The following SEMA3A variants were observed in gnomAD, a reference collection of about 807,000 sequenced individuals.
SEMA3A encodes semaphorin 3A.
Under a neutral mutation model 97.9 loss-of-function variants are expected in SEMA3A, and 29 were observed. The observed-to-expected ratio is 0.30, with a 90% CI of 0.22 to 0.40. The LOEUF (loss-of-function observed/expected upper bound fraction) is 0.40, where lower values mean the gene tolerates loss of function less well. Among genes scored for constraint, SEMA3A ranks in the 10% least tolerant of loss-of-function variants. SEMA3A has a pLI of 1.00. For synonymous variants in SEMA3A, 321 were observed against 323.7 expected (o/e 0.99, Z 0.09); for missense variants, 763 against 951.3 (o/e 0.80, Z 2.60).
At chr7:84,268,525 G>C (rs1482365317) in intron 3 of SEMA3A, among the ~76,000 whole-genome samples, 1 of 151,972 alleles carries the variant, frequency 6.6e-6, no homozygotes. Context: ...CCCTGTTCCT[G>C]TCCTTCCTAG....
chr7:84,207,702 A>T (rs557946843), intron 3 of SEMA3A, among the ~76,000 whole-genome samples: 5 of 152,330 alleles, frequency 3.3e-5, no homozygotes, highest in South Asian at 2.1e-4. Flanking sequence ...AAACTCAGGC[A>T]TGATAAAATT....
intron 15 of SEMA3A, among the ~76,000 whole-genome samples, chr7:83,969,003 G>A (rs1788823318): frequency 6.6e-6 from 1 of 151,472 alleles, no homozygotes; most frequent in Non-Finnish European, 1.5e-5. Flanking sequence ...TAGAGATAGG[G>A]TTTTACCATG....
intron 3 of SEMA3A, among the ~76,000 whole-genome samples, chr7:84,201,477 A>G (rs748683497): frequency 2.0e-5 from 3 of 150,912 alleles, no homozygotes; most frequent in Admixed American, 1.3e-4. Flanking sequence ...AGTGTAAAAC[A>G]TCATTTGATC....
chr7:84,345,622 G>T (rs146094188), intron 2 of SEMA3A, among the ~76,000 whole-genome samples: 150 of 152,240 alleles, frequency 9.9e-4, no homozygotes, highest in Middle Eastern at 3.4e-3. Context: ...TTATACTCAA[G>T]AAACCACTTT....
At chr7:84,238,839 C>T (rs1311848712) in intron 3 of SEMA3A, among the ~76,000 whole-genome samples, 5 of 152,026 alleles carry the variant, frequency 3.3e-5, no homozygotes, top group Non-Finnish European at 7.4e-5. Context: ...CTCAGCCTCC[C>T]GAGTAGCTGG....
chr7:84,214,697 C>CT (rs754365106), intron 3 of SEMA3A, among the ~76,000 whole-genome samples: 12,964 of 130,924 alleles, frequency 0.099, 926 homozygotes, highest in East Asian at 0.3. Flanking sequence ...TTAGAGCTTA[C>CT]TTTTTTTTTT....
At chr7:84,007,568 G>GT (rs1271316579) in intron 9 of SEMA3A, 71 bp from the exon 10 acceptor site, 31 of 1,127,674 alleles carry the variant, frequency 2.7e-5, no homozygotes, top group Non-Finnish European at 3.4e-5. Context: ...TTGATACTGA[G>GT]TTCTTACATT....
intron 3 of SEMA3A, among the ~76,000 whole-genome samples, chr7:84,218,874 T>C (rs1312599529): frequency 6.6e-6 from 1 of 152,162 alleles, no homozygotes. Flanking sequence ...TTCAGTTATG[T>C]TGAAATCATG....
intron 12 of SEMA3A, among the ~76,000 whole-genome samples, chr7:83,987,242 G>C (rs1197242456): frequency 6.6e-6 from 1 of 151,830 alleles, no homozygotes; most frequent in African/African-American, 2.4e-5. Flanking sequence ...AAAAAATTGA[G>C]GATTGAGAAG....
intron 1 of SEMA3A, among the ~76,000 whole-genome samples, chr7:84,193,291 G>C (rs1230565860): frequency 1.3e-5 from 2 of 151,896 alleles, no homozygotes; most frequent in Admixed American, 6.6e-5. Flanking sequence ...TCACACTAGG[G>C]CATTCAGAAA....
Position 84,015,760 on chromosome 7 carries a change from G to A in SEMA3A, c.668-1409C>T, listed in dbSNP as rs191986321. 4.0e-3 allele frequency among the ~76,000 whole-genome samples: 602 copies of A among 152,186 alleles called. 6 individuals are homozygous for A. Among genetic ancestry groups the A allele is most frequent in the African/African-American group, 0.014 (589 of 41,518 alleles). On this transcript the variant is annotated intron_variant, in intron 6 of 16. Coordinates refer to ENST00000265362, the MANE Select transcript of SEMA3A (RefSeq NM_006080.3). ...ATAATCATTATCATTTGTCCTATGC[G>A]TGTAACCTTTTAACATTTGCTCTGG...
At chr7:84,143,948 CT>C (rs1157947773) in intron 1 of SEMA3A, among the ~76,000 whole-genome samples, 28 of 74,472 alleles carry the variant, frequency 3.8e-4, no homozygotes, top group African/African-American at 5.9e-4. Flanking sequence ...CTCTCTCTCT[CT>C]AACACACACA....
chr7:84,087,365 G>T (rs1346928642), intron 4 of SEMA3A, among the ~76,000 whole-genome samples: 1 of 152,114 alleles, frequency 6.6e-6, no homozygotes, highest in Admixed American at 6.6e-5. Context: ...AACTTAATTG[G>T]CATAGTGTGT....
At chr7:84,198,799 G>A (rs1320767316), upstream of SEMA3A, among the ~76,000 whole-genome samples, 1 of 152,056 alleles carries the variant, frequency 6.6e-6, no homozygotes, top group Non-Finnish European at 1.5e-5. Flanking sequence ...CCTCTGTACT[G>A]GGAAAGAGTG....
intron 14 of SEMA3A, 42 bp from the exon 15 acceptor site, chr7:83,977,238 T>C (rs1307311602): frequency 7.5e-6 from 9 of 1,204,986 alleles, no homozygotes; most frequent in Non-Finnish European, 9.4e-6. Flanking sequence ...TATCCTTATT[T>C]TTCCCTTCTA....
chr7:84,058,075 T>G (rs904654980), intron 5 of SEMA3A, among the ~76,000 whole-genome samples: 1 of 151,792 alleles, frequency 6.6e-6, no homozygotes, highest in Non-Finnish European at 1.5e-5. Context: ...AAACTACTTC[T>G]TTCCTAGTGG....
chr7:84,362,685 T>C (rs1033719926), intron 2 of SEMA3A, among the ~76,000 whole-genome samples: 4 of 152,034 alleles, frequency 2.6e-5, no homozygotes, highest in Non-Finnish European at 5.9e-5. Context: ...TATTTGTGTT[T>C]ACATAATTAC....
rs187371126 is a variant in SEMA3A at position 84,387,994 on chromosome 7, A to C, written c.-245-16094T>G. On this transcript the variant is annotated intron_variant, in intron 1 of 3. Transcript: ENST00000424555. ...AATGGAAATAACCTATTCAGATGAAACATTCTAAACACAGATATAGGATAG... is the reference window on the plus strand; with the variant it reads ...AATGGAAATAACCTATTCAGATGAACCATTCTAAACACAGATATAGGATAG... 9.0e-4 allele frequency among the ~76,000 whole-genome samples: 135 copies of C among 150,370 alleles called. 1 individual carries two copies. Among genetic ancestry groups the C allele is most frequent in the African/African-American group, 3.1e-3 (125 of 40,942 alleles).
chr7:84,216,441 A>C (rs1798757604), intron 3 of SEMA3A, among the ~76,000 whole-genome samples: 1 of 152,136 alleles, frequency 6.6e-6, no homozygotes, highest in African/African-American at 2.4e-5. Context: ...TTGGAAGAGT[A>C]GCTCATTGCA....
Sources: gnomAD v4.1 joint callset for allele counts (sites outside exome capture counted in the v4.1 genomes callset) on GRCh38, gnomAD v4.1.1 for gene constraint, MANE v1.5 for transcripts, NCBI Gene and HGNC (gene_info 2026-07-23, HGNC 2026-07-21) for gene names.